Variants in MPP7 observed in about 807,000 individuals in gnomAD.
MPP7 encodes the protein MAGUK p55 scaffold protein 7.
In MPP7, 60 loss-of-function variants were observed where a neutral mutation model predicts 76.5. That is an observed-to-expected ratio of 0.78 (90% CI 0.64 to 0.97). The LOEUF (loss-of-function observed/expected upper bound fraction) is 0.97. Among genes scored for constraint, MPP7 ranks in the 50% least tolerant of loss-of-function variants. The probability of loss-of-function intolerance (pLI) is 0.00; values close to 1 mark genes in which losing one functional copy is unlikely to be tolerated. For missense variants in MPP7, 641 were observed against 694.0 expected (o/e 0.92, Z 0.86); for synonymous variants, 237 against 244.5 (o/e 0.97, Z 0.29).
At chr10:28,073,972 G>A (rs1175253399) in intron 12 of MPP7, among the ~76,000 whole-genome samples, 2 of 151,874 alleles carry the variant, frequency 1.3e-5, no homozygotes, top group African/African-American at 4.8e-5. Flanking sequence ...ATGTTCCACA[G>A]CATCCTGTAC....
At chr10:28,075,361 G>A (rs1451574749) in intron 12 of MPP7, among the ~76,000 whole-genome samples, 2 of 152,060 alleles carry the variant, frequency 1.3e-5, no homozygotes, top group African/African-American at 4.8e-5. Context: ...GAACCACAGA[G>A]TGCAGAAAAC....
chr10:28,077,807 G>A (rs1267682047), intron 12 of MPP7, among the ~76,000 whole-genome samples: 2 of 152,176 alleles, frequency 1.3e-5, no homozygotes, highest in South Asian at 4.1e-4. Context: ...ATGATAAAGC[G>A]AAGAAGAGAA....
At chr10:28,275,015 T>C (rs1840447857) in intron 1 of MPP7, among the ~76,000 whole-genome samples, 1 of 152,214 alleles carries the variant, frequency 6.6e-6, no homozygotes, top group African/African-American at 2.4e-5. Flanking sequence ...TCAATACATC[T>C]TGATGAAATC....
chr10:28,266,113 C>T (rs1487664291), intron 1 of MPP7, among the ~76,000 whole-genome samples: 1 of 152,122 alleles, frequency 6.6e-6, no homozygotes, highest in Non-Finnish European at 1.5e-5. Context: ...GCGCCCACCA[C>T]CGTGCCCAGC....
rs554214509 is a variant in MPP7, at chr10:28,058,544, C to T, written c.1358G>A (p.Arg453Gln). 21 of 1,605,898 alleles carry T rather than the reference C, an allele frequency of 1.3e-5. No homozygotes were observed. Among genetic ancestry groups the T allele is most frequent in the South Asian group, 1.0e-4 (9 of 89,694 alleles). ...AACTTTGTTTTTAGCAAGGACAGAC[C>T]GAACTGAGTCTATACTTGTGCCGTA... ...NYYGTSIDSV[R>Q]SVLAKNKVCL... The change falls in exon 15 of 17, where the codon CGG (arginine) becomes CAG (glutamine). Residue 453 changes from arginine (R) to glutamine (Q), a missense_variant. Transcript: ENST00000683449.
chr10:28,262,220 TA>T (rs1839990401), intron 1 of MPP7, among the ~76,000 whole-genome samples: 2 of 49,546 alleles, frequency 4.0e-5, no homozygotes, highest in Non-Finnish European at 6.5e-5. Context: ...TATATATATA[TA>T]TATACATATA....
chr10:28,223,982 G>A (rs543126891), intron 2 of MPP7, among the ~76,000 whole-genome samples: 1 of 151,536 alleles, frequency 6.6e-6, no homozygotes, highest in South Asian at 2.1e-4. Context: ...GATCACTTGA[G>A]GTCAGGAGTT....
In MPP7 at chr10:28,237,745, G is replaced by A. The variant is rs562124747; in HGVS notation, c.37+823C>T. On this transcript the variant is annotated intron_variant, in intron 2 of 16. Transcript: ENST00000683449. Reference sequence around the variant, plus strand: ...TATAAAACAGAGAACATTCCTTTTCGTCACACTATGTTACCACTTCTTTCA... The same window carrying A: ...TATAAAACAGAGAACATTCCTTTTCATCACACTATGTTACCACTTCTTTCA... Among the ~76,000 whole-genome samples the A allele has an allele frequency of 6.6e-5, 10 of 152,206 alleles. No individual in the cohort carries two copies. In the East Asian group the frequency reaches 1.4e-3, roughly 21 times the overall value.
At chr10:28,081,787 CAG>C (rs1223379033) in intron 12 of MPP7, among the ~76,000 whole-genome samples, 1 of 144,606 alleles carries the variant, frequency 6.9e-6, no homozygotes, top group East Asian at 2.0e-4. Context: ...TTTTTTGAGA[CAG>C]AGTCTTGCTC....
chr10:28,061,884 T>C (rs1447124111), intron 13 of MPP7, among the ~76,000 whole-genome samples: 2 of 152,012 alleles, frequency 1.3e-5, no homozygotes, highest in Non-Finnish European at 2.9e-5. Flanking sequence ...TGAAATAATA[T>C]CTTTAAAGCA....
intron 1 of MPP7, among the ~76,000 whole-genome samples, chr10:28,296,782 T>G (rs1265373787): frequency 6.6e-6 from 1 of 152,234 alleles, no homozygotes; most frequent in African/African-American, 2.4e-5. Flanking sequence ...AAAAACATCT[T>G]GGGTTTTTTT....
intron 3 of MPP7, among the ~76,000 whole-genome samples, chr10:28,184,924 A>G (rs1314017729): frequency 2.0e-5 from 3 of 147,290 alleles, no homozygotes; most frequent in African/African-American, 4.9e-5. Flanking sequence ...ATAAGTTATT[A>G]TATTGTTATA....
At chr10:28,271,117 C>T (rs534369757) in intron 1 of MPP7, among the ~76,000 whole-genome samples, 3 of 152,192 alleles carry the variant, frequency 2.0e-5, no homozygotes, top group Non-Finnish European at 4.4e-5. Flanking sequence ...CAAGAGGTCC[C>T]AAATATGGTT....
At chr10:28,188,072 A>G (rs1056407942) in intron 3 of MPP7, among the ~76,000 whole-genome samples, 3 of 152,190 alleles carry the variant, frequency 2.0e-5, no homozygotes, top group Non-Finnish European at 4.4e-5. Context: ...ATTTATTTAG[A>G]CTCAAGATTA....
At chr10:28,243,482 AC>A (rs1288664781) in intron 1 of MPP7, among the ~76,000 whole-genome samples, 2 of 152,082 alleles carry the variant, frequency 1.3e-5, no homozygotes, top group African/African-American at 4.8e-5. Flanking sequence ...TTTTCTACTA[AC>A]ACATTAGAAA....
intron 2 of MPP7, among the ~76,000 whole-genome samples, chr10:28,219,941 C>T (rs745514407): frequency 2.0e-5 from 3 of 152,074 alleles, no homozygotes. Flanking sequence ...ACCTATAGTA[C>T]ACTAAAATAC....
At chr10:28,310,646 A>C (rs998115569) in intron 2 of MPP7, among the ~76,000 whole-genome samples, 1 of 152,200 alleles carries the variant, frequency 6.6e-6, no homozygotes, top group Non-Finnish European at 1.5e-5. Context: ...AGCCTTTTCA[A>C]ATTATACAAG....
At chr10:28,195,666 A>G (rs975349294) in intron 3 of MPP7, among the ~76,000 whole-genome samples, 1 of 152,206 alleles carries the variant, frequency 6.6e-6, no homozygotes, top group Non-Finnish European at 1.5e-5. Context: ...TTTATATGAA[A>G]TTTCCAGGAT....
chr10:28,323,846 A>C (rs1834388260), intron 2 of MPP7, among the ~76,000 whole-genome samples: 1 of 152,138 alleles, frequency 6.6e-6, no homozygotes, highest in South Asian at 2.1e-4. Context: ...CCACCTCTTC[A>C]AGTCATGGTG....
Sources: allele counts gnomAD v4.1 joint callset (sites outside exome capture counted in the v4.1 genomes callset), GRCh38; gene constraint gnomAD v4.1.1; transcripts MANE v1.5; gene names NCBI Gene and HGNC (gene_info 2026-07-23, HGNC 2026-07-21).